CDH1: variants seen among roughly 807,000 people sequenced by gnomAD.
The protein encoded by CDH1 is cadherin-1.
Under a neutral mutation model 84.5 loss-of-function variants are expected in CDH1, and 35 were observed. The ratio of observed to expected loss-of-function variants is 0.41; its 90% CI spans 0.32 to 0.55. The LOEUF (loss-of-function observed/expected upper bound fraction) is 0.55, where lower values mean the gene tolerates loss of function less well. Among genes scored for constraint, CDH1 ranks in the 20% least tolerant of loss-of-function variants. The pLI, the probability that CDH1 is intolerant of heterozygous loss-of-function variation, is 0.19. For missense variants in CDH1, 994 were observed against 1,126.6 expected, an observed-to-expected ratio of 0.88 and a Z score of 1.68; for synonymous variants, 417 against 439.0, an observed-to-expected ratio of 0.95 and a Z score of 0.63.
chr16:68,795,018 T>C (rs1169812287), intron 2 of CDH1, among the ~76,000 whole-genome samples: 1 of 152,172 alleles, frequency 6.6e-6, no homozygotes, highest in African/African-American at 2.4e-5. Context: ...TAGATTTTCT[T>C]TTTTTGGTAG....
intron 13 of CDH1, among the ~76,000 whole-genome samples, chr16:68,823,995 T>TC (rs1567513662): frequency 7.0e-6 from 1 of 142,612 alleles, no homozygotes; most frequent in East Asian, 2.0e-4. Flanking sequence ...TGCATTTCTT[T>TC]TTTTTTTTTT....
chr16:68,797,119 G>A (rs1960383465), intron 2 of CDH1, among the ~76,000 whole-genome samples: 1 of 152,012 alleles, frequency 6.6e-6, no homozygotes, highest in Non-Finnish European at 1.5e-5. Context: ...AAGCATGATG[G>A]CTCATGCCTG....
intron 2 of CDH1, among the ~76,000 whole-genome samples, chr16:68,768,571 A>C (rs914420442): frequency 3.9e-5 from 6 of 152,186 alleles, no homozygotes; most frequent in African/African-American, 1.4e-4. Context: ...AGCTAAAAGA[A>C]AAAAGCTGGG....
chr16:68,744,562 T>G (rs566020941), intron 2 of CDH1, among the ~76,000 whole-genome samples: 1 of 152,198 alleles, frequency 6.6e-6, no homozygotes, highest in Non-Finnish European at 1.5e-5. Flanking sequence ...TTCTGCACTT[T>G]TCATCTTCCT....
intron 2 of CDH1, among the ~76,000 whole-genome samples, 198 bp from the exon 3 acceptor site, chr16:68,801,472 A>T (rs1960495617): frequency 6.6e-6 from 1 of 152,208 alleles, no homozygotes. Flanking sequence ...ATGAGAAAGA[A>T]ATCAGAGCAC....
chr16:68,817,541 T>C (rs757608532), intron 10 of CDH1, among the ~76,000 whole-genome samples: 4 of 152,154 alleles, frequency 2.6e-5, no homozygotes, highest in Non-Finnish European at 5.9e-5. Flanking sequence ...TGTGAAGAAA[T>C]CTGGTGGCCT....
intron 2 of CDH1, chr16:68,765,708 A>ATTG (rs1959358814): frequency 6.7e-5 from 10 of 149,234 alleles, no homozygotes; most frequent in Non-Finnish European, 7.4e-5. Context: ...TTTTTCTTTA[A>ATTG]GTATTTCTAG....
At chr16:68,744,704 G>A (rs1266743599) in intron 2 of CDH1, among the ~76,000 whole-genome samples, 1 of 152,144 alleles carries the variant, frequency 6.6e-6, no homozygotes, top group Non-Finnish European at 1.5e-5. Flanking sequence ...TCCCAGCCTA[G>A]GGATGTCAGC....
rs1007816528 is a variant in CDH1 at position 68,829,564 on chromosome 16, C to T, written c.2296-90C>T. ...ATACAGTTGGCAGTGAAGGCATCAT[C>T]CAACCATAATCTATAAACTGAACAT... On this transcript the variant is annotated intron_variant, in intron 14 of 15. Coordinates refer to ENST00000261769, the MANE Select transcript of CDH1 (RefSeq NM_004360.5). 1.6e-5 allele frequency: 21 copies of T among 1,302,672 alleles called. No homozygotes were observed. The South Asian group carries it at 1.9e-4, about 11-fold the overall frequency. The allele number at this position is 1,302,672 out of a possible 1,614,324, so 80.7% of individuals were successfully genotyped here.
intron 2 of CDH1, among the ~76,000 whole-genome samples, chr16:68,758,768 A>AGAATAAG (rs926740369): frequency 3.3e-5 from 5 of 151,784 alleles, no homozygotes; most frequent in African/African-American, 1.2e-4. Context: ...GACCTCCTAA[A>AGAATAAG]GAATAAGACG....
chr16:68,757,986 G>GGT (rs1963060410), intron 2 of CDH1, among the ~76,000 whole-genome samples: 1 of 52,590 alleles, frequency 1.9e-5, no homozygotes. Flanking sequence ...TTTTTTTTTT[G>GGT]TATTTTTTGT....
intron 2 of CDH1, among the ~76,000 whole-genome samples, chr16:68,792,355 G>A (rs1960230996): frequency 6.6e-6 from 1 of 151,408 alleles, no homozygotes. Context: ...TCAGCCTCCC[G>A]AGTAGCTGGG....
At chr16:68,775,003 G>A (rs557172190) in intron 2 of CDH1, among the ~76,000 whole-genome samples, 1 of 152,186 alleles carries the variant, frequency 6.6e-6, no homozygotes, top group East Asian at 1.9e-4. Flanking sequence ...GTGCGCACCT[G>A]TGGTCCCAGC....
At chr16:68,740,240 T>G (rs954250758) in intron 2 of CDH1, among the ~76,000 whole-genome samples, 7 of 152,228 alleles carry the variant, frequency 4.6e-5, no homozygotes, top group African/African-American at 1.4e-4. Context: ...TTCCAGTCTT[T>G]GACCACATGA....
At chr16:68,819,042 G>A (rs981258511) in intron 10 of CDH1, among the ~76,000 whole-genome samples, 1 of 151,976 alleles carries the variant, frequency 6.6e-6, no homozygotes, top group African/African-American at 2.4e-5. Flanking sequence ...TTTTAGTAGA[G>A]ACAGGGTTTC....
chr16:68,788,043 T>A (rs1960111668), intron 2 of CDH1, among the ~76,000 whole-genome samples: 1 of 152,088 alleles, frequency 6.6e-6, no homozygotes, highest in Non-Finnish European at 1.5e-5. Context: ...GCCAGGCCTG[T>A]CTTAAACTCC....
intron 1 of CDH1, 48 bp downstream of exon 1, chr16:68,737,511 T>TCCGCGCCCCAGCC (rs1962430034): frequency 7.5e-7 from 1 of 1,337,052 alleles, no homozygotes; most frequent in African/African-American, 2.5e-5. Flanking sequence ...GGCCGCAAGC[T>TCCGCGCCCCAGCC]CCGCGCCCCA....
chr16:68,769,401 A>C lies in CDH1; in HGVS notation c.163+30990A>C, dbSNP rs1959480584. On this transcript the variant is annotated intron_variant, in intron 2 of 15. Coordinates refer to ENST00000261769, the MANE Select transcript of CDH1 (RefSeq NM_004360.5). Reference sequence around the variant, plus strand: ...GATTCCTTTGAGGCAGCACATGGTAAGATGCCTCTAAATTGTACCGTGGCC... The same window carrying C: ...GATTCCTTTGAGGCAGCACATGGTACGATGCCTCTAAATTGTACCGTGGCC... Among the ~76,000 whole-genome samples, 3 of 152,008 alleles carry C rather than the reference A, an allele frequency of 2.0e-5. 1 individual carries two copies. The South Asian group carries it at 6.2e-4, about 32-fold the overall frequency.
rs1064794910 is a variant in CDH1 at position 68,737,410 on chromosome 16, C to G, written c.-6C>G. On this transcript the variant is annotated 5_prime_UTR_variant, in exon 1 of 16. Transcript: ENST00000261769. ...GCCTGCCCTCGCTCGGCGTCCCCGGCCAGCCATGGGCCCTTGGAGCCGCAG... is the reference window on the plus strand; with the variant it reads ...GCCTGCCCTCGCTCGGCGTCCCCGGGCAGCCATGGGCCCTTGGAGCCGCAG... The G allele has an allele frequency of 6.5e-7, 1 of 1,531,352 alleles. No homozygotes were observed. Among genetic ancestry groups the G allele is most frequent in the Non-Finnish European group, 8.7e-7 (1 of 1,145,238 alleles). 94.9% of individuals were successfully genotyped at this position (1,531,352 alleles called of 1,614,324 possible). A position where few individuals can be genotyped will look rare whatever the true frequency, so the allele number is the denominator to read the frequency against.
Sources: allele counts gnomAD v4.1 joint callset (sites outside exome capture counted in the v4.1 genomes callset), GRCh38; gene constraint gnomAD v4.1.1; transcripts MANE v1.5; gene names NCBI Gene and HGNC (gene_info 2026-07-23, HGNC 2026-07-21).